The following FNDC3B variants were observed in gnomAD, a reference collection of about 807,000 sequenced individuals.
The protein encoded by FNDC3B is fibronectin type III domain containing 3B, also known as fibronectin type III domain-containing protein 3B.
In FNDC3B, 12 loss-of-function variants were observed where a neutral mutation model predicts 151.5. The ratio of observed to expected loss-of-function variants is 0.08; its 90% CI spans 0.05 to 0.13. The LOEUF is 0.13. FNDC3B is among the 10% of genes least tolerant of loss of function. The pLI, the probability that FNDC3B is intolerant of heterozygous loss-of-function variation, is 1.00. For synonymous variants in FNDC3B, 528 were observed against 549.0 expected, an observed-to-expected ratio of 0.96 and a Z score of 0.54; for missense variants, 1,214 against 1,505.3, an observed-to-expected ratio of 0.81 and a Z score of 3.20.
chr3:172,130,611 G>A (rs1246396005), intron 2 of FNDC3B, among the ~76,000 whole-genome samples: 1 of 152,196 alleles, frequency 6.6e-6, no homozygotes, highest in Non-Finnish European at 1.5e-5. Flanking sequence ...GACCACTGAG[G>A]AACTGTTACA....
intron 9 of FNDC3B, 37 bp from the exon 10 acceptor site, chr3:172,307,326 G>T: frequency 6.2e-7 from 1 of 1,607,312 alleles, no homozygotes; most frequent in Non-Finnish European, 8.5e-7. Context: ...CTTCTATGAT[G>T]AGTCACTGCC....
chr3:172,159,551 C>T (rs547609467), intron 3 of FNDC3B, among the ~76,000 whole-genome samples: 1 of 152,350 alleles, frequency 6.6e-6, no homozygotes, highest in Admixed American at 6.5e-5. Flanking sequence ...TTTGGGTCAT[C>T]TCCAACTTAT....
intron 7 of FNDC3B, among the ~76,000 whole-genome samples, chr3:172,292,742 C>A (rs1409764542): frequency 6.6e-6 from 1 of 152,128 alleles, no homozygotes; most frequent in Non-Finnish European, 1.5e-5. Flanking sequence ...CTCTTTGTAA[C>A]AAATTATCTC....
At chr3:172,288,502 C>T (rs750002694) in intron 7 of FNDC3B, among the ~76,000 whole-genome samples, 4 of 152,180 alleles carry the variant, frequency 2.6e-5, no homozygotes, top group East Asian at 3.9e-4. Flanking sequence ...TGGGCACAGA[C>T]GTAGTCAGTA....
chr3:172,177,913 A>G (rs192521615), intron 3 of FNDC3B, among the ~76,000 whole-genome samples: 1 of 151,614 alleles, frequency 6.6e-6, no homozygotes, highest in Admixed American at 6.6e-5. Context: ...TTGTGTTCTC[A>G]TTGTTCAACT....
At position 172,386,759 on chromosome 3, in the gene FNDC3B, GAA is replaced by G. The variant is rs1233563821; in HGVS notation, c.3303+5681_3303+5682del. Among the ~76,000 whole-genome samples the G allele has an allele frequency of 2.2e-3, 238 of 106,424 alleles. 1 individual carries two copies. The highest frequency in any genetic ancestry group is 7.3e-3 in the African/African-American group (225 of 30,786). The allele number at this position is 106,424 out of a possible 152,430, so 69.8% of individuals were successfully genotyped here. A position where few individuals can be genotyped will look rare whatever the true frequency, so the allele number is the denominator to read the frequency against. On this transcript the variant is annotated intron_variant, in intron 25 of 25. Transcript: ENST00000415807. ...CTGTCTCAAAAAAAGAAAAAAAAAA[GAA>G]AAAAAAAAAAAAAACCTCTGAAGTG...
chr3:172,301,589 T>C (rs551358120), intron 9 of FNDC3B: 2 of 152,330 alleles, frequency 1.3e-5, no homozygotes, highest in South Asian at 4.1e-4. Flanking sequence ...TTACGCTGAG[T>C]GCAGTGGCTC....
intron 1 of FNDC3B, among the ~76,000 whole-genome samples, chr3:172,086,165 G>A (rs1417698480): frequency 6.6e-6 from 1 of 151,978 alleles, no homozygotes; most frequent in African/African-American, 2.4e-5. Flanking sequence ...GTTTGAGACT[G>A]GCCTGGGCAA....
At chr3:172,294,959 T>A (rs550410815) in intron 7 of FNDC3B, among the ~76,000 whole-genome samples, 3 of 152,224 alleles carry the variant, frequency 2.0e-5, no homozygotes, top group Non-Finnish European at 2.9e-5. Flanking sequence ...GCGGGTATTG[T>A]TGGAAAGGTA....
At chr3:172,190,695 T>G (rs112209700) in intron 3 of FNDC3B, among the ~76,000 whole-genome samples, 1 of 152,070 alleles carries the variant, frequency 6.6e-6, no homozygotes, top group African/African-American at 2.4e-5. Context: ...TGAGATGGAG[T>G]TTTGCTCTTA....
At chr3:172,183,014 C>A (rs1374386633) in intron 3 of FNDC3B, among the ~76,000 whole-genome samples, 1 of 152,196 alleles carries the variant, frequency 6.6e-6, no homozygotes, top group Non-Finnish European at 1.5e-5. Context: ...GATGAGTCTT[C>A]TAGATTGCTT....
intron 7 of FNDC3B, among the ~76,000 whole-genome samples, chr3:172,287,130 T>A (rs1730063437): frequency 6.6e-6 from 1 of 152,208 alleles, no homozygotes; most frequent in African/African-American, 2.4e-5. Flanking sequence ...TCCATGCCCA[T>A]CAAGTGGGAG....
intron 25 of FNDC3B, 43 bp from the exon 26 acceptor site, chr3:172,397,121 T>C (rs1736329163): frequency 1.4e-6 from 2 of 1,468,742 alleles, no homozygotes; most frequent in Middle Eastern, 1.8e-4. Context: ...GAGACAACAG[T>C]GTTGCTATAA....
At chr3:172,056,831 C>G (rs979176548) in intron 1 of FNDC3B, among the ~76,000 whole-genome samples, 1 of 152,166 alleles carries the variant, frequency 6.6e-6, no homozygotes, top group African/African-American at 2.4e-5. Context: ...TTGTCTTGAC[C>G]TTGCCTTTGG....
intron 3 of FNDC3B, among the ~76,000 whole-genome samples, chr3:172,184,036 A>G (rs1053488614): frequency 6.6e-6 from 1 of 152,232 alleles, no homozygotes; most frequent in African/African-American, 2.4e-5. Context: ...AATACAAAGG[A>G]AGAAATGGAG....
intron 11 of FNDC3B, among the ~76,000 whole-genome samples, chr3:172,311,580 C>T (rs1449977015): frequency 6.6e-6 from 1 of 151,988 alleles, no homozygotes; most frequent in African/African-American, 2.4e-5. Context: ...TAAAAAGCAA[C>T]TGTAGGTCGG....
intron 1 of FNDC3B, among the ~76,000 whole-genome samples, chr3:172,047,239 G>A (rs993997279): frequency 1.3e-5 from 2 of 152,100 alleles, no homozygotes; most frequent in East Asian, 1.9e-4. Flanking sequence ...AATAATTGAA[G>A]ATTCTAAGAT....
In FNDC3B at chr3:172,400,513, A is replaced by G. The variant is rs906824234; in HGVS notation, c.*3038A>G. The G allele has an allele frequency of 3.9e-5, 6 of 152,652 alleles. No homozygotes were observed. The highest frequency in any genetic ancestry group is 9.6e-5 in the African/African-American group (4 of 41,458). The allele number at this position is 152,652 out of a possible 1,614,324, so 9.5% of individuals were successfully genotyped here. On this transcript the variant is annotated 3_prime_UTR_variant, in exon 26 of 26. Coordinates refer to ENST00000415807, the MANE Select transcript of FNDC3B (RefSeq NM_022763.4). ...ACATTCCAAGCTTTTCAACTCTAGG[A>G]GAAAAAGAAAATCATGTTTTCCTGT...
intron 8 of FNDC3B, 34 bp from the exon 9 acceptor site, chr3:172,298,694 G>A: frequency 6.5e-7 from 1 of 1,535,482 alleles, no homozygotes. Context: ...TTTGAAACTG[G>A]AATTAGCAAC....
Sources: gnomAD v4.1 joint callset for allele counts (sites outside exome capture counted in the v4.1 genomes callset) on GRCh38, gnomAD v4.1.1 for gene constraint, MANE v1.5 for transcripts, NCBI Gene and HGNC (gene_info 2026-07-23, HGNC 2026-07-21) for gene names.